The following WIPF3 variants were observed in gnomAD, a reference collection of about 807,000 sequenced individuals.
WIPF3 encodes the protein WAS/WASL-interacting protein family member 3.
Under a neutral mutation model 38.9 loss-of-function variants are expected in WIPF3, and 33 were observed. The ratio of observed to expected loss-of-function variants is 0.85; its 90% CI spans 0.64 to 1.14. WIPF3 has a LOEUF of 1.14. Among genes scored for constraint, WIPF3 ranks in the 50% most tolerant of loss-of-function variants. The pLI is 0.00. For synonymous variants in WIPF3, 324 were observed against 269.3 expected (o/e 1.20, Z -1.99); for missense variants, 711 against 652.5 (o/e 1.09, Z -0.98).
At chr7:29,818,856 C>A (rs1423500710) in intron 1 of WIPF3, among the ~76,000 whole-genome samples, 1 of 152,110 alleles carries the variant, frequency 6.6e-6, no homozygotes, top group Non-Finnish European at 1.5e-5. Context: ...TATTTAGAGG[C>A]AGCTATGGAG....
At chr7:29,829,609 C>A (rs1784684506) in intron 1 of WIPF3, among the ~76,000 whole-genome samples, 1 of 152,204 alleles carries the variant, frequency 6.6e-6, no homozygotes, top group African/African-American at 2.4e-5. Flanking sequence ...TCTTCATATA[C>A]AGTGTTTGTT....
intron 2 of WIPF3, among the ~76,000 whole-genome samples, chr7:29,862,355 A>G (rs2128070815): frequency 6.6e-6 from 1 of 152,286 alleles, no homozygotes; most frequent in East Asian, 1.9e-4. Context: ...ACTTTCTCAT[A>G]TGATAAAAGA....
chr7:29,867,645 G>A (rs994745636), intron 2 of WIPF3, among the ~76,000 whole-genome samples: 16 of 130,804 alleles, frequency 1.2e-4, no homozygotes, highest in Admixed American at 3.8e-4. Context: ...AAATTTTCTC[G>A]TAATTTAAAA....
chr7:29,868,276 A>G (rs982055930), intron 2 of WIPF3, among the ~76,000 whole-genome samples: 3 of 152,150 alleles, frequency 2.0e-5, no homozygotes, highest in Admixed American at 6.6e-5. Flanking sequence ...GGGAAAGAAG[A>G]GACAGGGGAT....
intron 2 of WIPF3, among the ~76,000 whole-genome samples, chr7:29,860,567 A>C (rs1380365574): frequency 3.3e-5 from 5 of 152,204 alleles, no homozygotes; most frequent in Admixed American, 3.3e-4. Context: ...CAGGACTGTA[A>C]GTCAAATAAA....
intron 7 of WIPF3, among the ~76,000 whole-genome samples, chr7:29,900,205 G>A (rs1267713946): frequency 6.6e-6 from 1 of 152,150 alleles, no homozygotes; most frequent in Non-Finnish European, 1.5e-5. Flanking sequence ...CCAAAGTGCT[G>A]GGATTACAGG....
At chr7:29,833,638 A>G (rs1363280977) in intron 1 of WIPF3, among the ~76,000 whole-genome samples, 1 of 152,234 alleles carries the variant, frequency 6.6e-6, no homozygotes, top group Non-Finnish European at 1.5e-5. Flanking sequence ...GGAGACAAGA[A>G]TATTAACATG....
chr7:29,900,395 A>G (rs1786250323), intron 7 of WIPF3, among the ~76,000 whole-genome samples: 1 of 152,214 alleles, frequency 6.6e-6, no homozygotes, highest in African/African-American at 2.4e-5. Context: ...GAGAGAGAAT[A>G]TGATTAGCTC....
At chr7:29,904,258 A>G in intron 7 of WIPF3, 28 bp from the exon 8 acceptor site, 5 of 1,612,160 alleles carry the variant, frequency 3.1e-6, no homozygotes, top group Non-Finnish European at 4.2e-6. Flanking sequence ...GGGCCAATAG[A>G]TAATGAGATT....
intron 8 of WIPF3, chr7:29,904,796 A>C (rs2128080838): frequency 6.3e-6 from 1 of 159,846 alleles, no homozygotes; most frequent in East Asian, 1.8e-4. Flanking sequence ...ATTTTGGCCA[A>C]ATTTAGTCAC....
Position 29,880,619 on chromosome 7 carries a change from T to C in WIPF3, c.355+1479T>C, listed in dbSNP as rs76769097. Among the ~76,000 whole-genome samples the C allele has an allele frequency of 2.6e-3, 403 of 152,272 alleles. 1 individual carries two copies. Among genetic ancestry groups the C allele is most frequent in the African/African-American group, 8.8e-3 (367 of 41,550 alleles). On this transcript the variant is annotated intron_variant, in intron 4 of 8. Coordinates refer to ENST00000242140, the MANE Select transcript of WIPF3 (RefSeq NM_001080529.3). ...GAAATGGGCCCCAGTCAGGTTTTCA[T>C]AGGAAGCAGCCAAAAATAGCCAGCA...
intron 7 of WIPF3, among the ~76,000 whole-genome samples, chr7:29,891,281 C>G (rs73686267): frequency 0.023 from 3,319 of 147,414 alleles, 167 homozygotes; most frequent in African/African-American, 0.081. Flanking sequence ...GAGGGCCTGC[C>G]CTGTGCTCAG....
At chr7:29,893,018 T>TC (rs1475979240) in intron 7 of WIPF3, among the ~76,000 whole-genome samples, 3 of 151,892 alleles carry the variant, frequency 2.0e-5, no homozygotes, top group African/African-American at 7.3e-5. Context: ...TGAGCTGAGA[T>TC]CGTGCCATTG....
chr7:29,867,572 T>C (rs1043332598), intron 2 of WIPF3, among the ~76,000 whole-genome samples: 2 of 148,534 alleles, frequency 1.3e-5, no homozygotes, highest in African/African-American at 2.5e-5. Context: ...CCCAGCTTTT[T>C]TTTTTTTTTT....
rs529081026 is a variant in WIPF3, at chr7:29,915,526, C to G, written c.*1010C>G. On this transcript the variant is annotated 3_prime_UTR_variant, in exon 9 of 9. Coordinates refer to ENST00000242140, the MANE Select transcript of WIPF3 (RefSeq NM_001080529.3). ...TGCCCCCATCTTAGGATCCTTGGAGCCACCCGTCAGGCAAAACCTAGCTCC... is the reference window on the plus strand; with the variant it reads ...TGCCCCCATCTTAGGATCCTTGGAGGCACCCGTCAGGCAAAACCTAGCTCC... 1 of 152,288 alleles carries G rather than the reference C, an allele frequency of 6.6e-6. No homozygotes were observed. The highest frequency in any genetic ancestry group is 2.1e-4 in the South Asian group (1 of 4,824). 9.4% of individuals were successfully genotyped at this position (152,288 alleles called of 1,614,324 possible).
chr7:29,836,286 A>C (rs757394132), intron 2 of WIPF3, among the ~76,000 whole-genome samples: 9 of 152,378 alleles, frequency 5.9e-5, no homozygotes, highest in Non-Finnish European at 1.2e-4. Context: ...AGTACAACTT[A>C]GAATAACTGC....
intron 2 of WIPF3, among the ~76,000 whole-genome samples, chr7:29,868,590 C>T (rs1022960926): frequency 6.6e-6 from 1 of 151,438 alleles, no homozygotes; most frequent in African/African-American, 2.4e-5. Context: ...TGTATATACA[C>T]ACATATATAC....
chr7:29,863,453 T>C (rs1040324138), intron 2 of WIPF3, among the ~76,000 whole-genome samples: 2 of 152,234 alleles, frequency 1.3e-5, no homozygotes, highest in Non-Finnish European at 2.9e-5. Context: ...AACCAGACCA[T>C]ACCATCTTGA....
At chr7:29,867,199 C>T (rs1204475522) in intron 2 of WIPF3, among the ~76,000 whole-genome samples, 5 of 152,140 alleles carry the variant, frequency 3.3e-5, no homozygotes, top group African/African-American at 9.7e-5. Context: ...CCAAAGTCAC[C>T]GCTGTGTGCA....
Sources: gnomAD v4.1 joint callset for allele counts (sites outside exome capture counted in the v4.1 genomes callset) on GRCh38, gnomAD v4.1.1 for gene constraint, MANE v1.5 for transcripts, NCBI Gene and HGNC (gene_info 2026-07-23, HGNC 2026-07-21) for gene names.